The following PTPRA variants were observed in gnomAD, a reference collection of about 807,000 sequenced individuals.
The protein encoded by PTPRA is protein tyrosine phosphatase receptor type A, also known as receptor-type tyrosine-protein phosphatase alpha.
A neutral mutation model predicts 104.8 loss-of-function variants in PTPRA; 25 were observed. The observed-to-expected ratio is 0.24, with a 90% confidence interval of 0.17 to 0.33. The LOEUF is 0.33. Among genes scored for constraint, PTPRA ranks in the 10% least tolerant of loss-of-function variants. The pLI, the probability that PTPRA is intolerant of heterozygous loss-of-function variation, is 1.00. For synonymous variants in PTPRA, 323 were observed against 368.9 expected (o/e 0.88, Z 1.43); for missense variants, 765 against 1,015.3 (o/e 0.75, Z 3.35).
chr20:2,971,403 C>T (rs1270399673), intron 5 of PTPRA, among the ~76,000 whole-genome samples: 1 of 152,018 alleles, frequency 6.6e-6, no homozygotes, highest in African/African-American at 2.4e-5. Context: ...GATATGAAGG[C>T]TACTGATTTT....
Position 2,881,600 on chromosome 20 carries a change from TG to T in PTPRA, c.-129+7841del, listed in dbSNP as rs904349761. Among the ~76,000 whole-genome samples, 4 of 152,276 alleles carry T rather than the reference TG, an allele frequency of 2.6e-5. No individual in the cohort carries two copies. In the East Asian group the frequency reaches 7.7e-4, roughly 29 times the overall value. On this transcript the variant is annotated intron_variant, in intron 1 of 23. Transcript: ENST00000399903. ...GCACAATGATAGCTCACTGCAGCAT[TG>T]AACTCCTGGGCTCAAGCGATCTTCC...
intron 13 of PTPRA, among the ~76,000 whole-genome samples, chr20:3,020,067 AGAGAGGGAGAGGGAGACCGTGGG>A (rs1421781405): frequency 2.6e-4 from 39 of 152,082 alleles, no homozygotes; most frequent in African/African-American, 8.4e-4. Context: ...GACCGTGGAA[AGAGAGGGAGAGGGAGACCGTGGG>A]GAGAGGGAGA....
intron 20 of PTPRA, among the ~76,000 whole-genome samples, chr20:3,030,759 C>T (rs1375254563): frequency 7.4e-6 from 1 of 134,934 alleles, no homozygotes; most frequent in African/African-American, 2.8e-5. Context: ...AATCTCAGCT[C>T]GCTGCAACCT....
At chr20:2,956,178 C>T (rs926704344) in intron 3 of PTPRA, among the ~76,000 whole-genome samples, 1 of 152,172 alleles carries the variant, frequency 6.6e-6, no homozygotes, top group East Asian at 1.9e-4. Context: ...CAGTCAGTGA[C>T]CCTCCTTACT....
intron 2 of PTPRA, among the ~76,000 whole-genome samples, chr20:2,928,830 CTTT>C (rs762180655): frequency 5.9e-5 from 8 of 135,398 alleles, no homozygotes; most frequent in Admixed American, 7.6e-5. Flanking sequence ...TTTTTTCTCT[CTTT>C]TTTTTTTTTT....
intron 1 of PTPRA, among the ~76,000 whole-genome samples, chr20:2,882,600 G>A (rs1196590523): frequency 6.6e-6 from 1 of 151,978 alleles, no homozygotes; most frequent in East Asian, 1.9e-4. Flanking sequence ...ACTGTGCCAG[G>A]CCTAGATTAC....
intron 5 of PTPRA, among the ~76,000 whole-genome samples, chr20:2,970,496 AT>A (rs1248100080): frequency 1.3e-5 from 2 of 152,014 alleles, no homozygotes; most frequent in South Asian, 2.1e-4. Flanking sequence ...AAGATCATTT[AT>A]TTTTCTGAGC....
chr20:2,919,916 C>T (rs772218264), intron 1 of PTPRA, among the ~76,000 whole-genome samples: 7 of 152,036 alleles, frequency 4.6e-5, no homozygotes, highest in Admixed American at 3.9e-4. Flanking sequence ...TATTTTGTAA[C>T]GTGGAAATTA....
At chr20:2,913,045 T>A (rs965468539) in intron 1 of PTPRA, among the ~76,000 whole-genome samples, 1 of 151,776 alleles carries the variant, frequency 6.6e-6, no homozygotes, top group Non-Finnish European at 1.5e-5. Context: ...CATTAGAGAG[T>A]GAGCCCCATC....
At chr20:2,885,665 G>T (rs1470233872) in intron 1 of PTPRA, among the ~76,000 whole-genome samples, 1 of 115,552 alleles carries the variant, frequency 8.7e-6, no homozygotes, top group Non-Finnish European at 1.9e-5. Flanking sequence ...CTGGTTTATA[G>T]GATATAATTG....
intron 1 of PTPRA, among the ~76,000 whole-genome samples, chr20:2,911,656 T>C (rs1018958552): frequency 1.3e-5 from 2 of 152,178 alleles, no homozygotes; most frequent in Non-Finnish European, 2.9e-5. Context: ...AATAAATTTG[T>C]AGCACCAATT....
intron 1 of PTPRA, among the ~76,000 whole-genome samples, chr20:2,917,132 T>A (rs2059932036): frequency 6.6e-6 from 1 of 151,906 alleles, no homozygotes; most frequent in Non-Finnish European, 1.5e-5. Context: ...AAATTTTGTA[T>A]TTTTAGTAGA....
rs1397332486 is a variant in PTPRA, at chr20:3,037,770, G to A, written c.2335-289G>A. 6.6e-6 allele frequency among the ~76,000 whole-genome samples: 1 copy of A among 152,168 alleles called. No homozygotes were observed. The highest frequency in any genetic ancestry group is 1.9e-4 in the East Asian group (1 of 5,204). Reference sequence around the variant, plus strand: ...TGCTAGCCTGGCAGCCATGGTAAGCGTGGGCCATGCTCAGCTGCACTGTCT... The same window carrying A: ...TGCTAGCCTGGCAGCCATGGTAAGCATGGGCCATGCTCAGCTGCACTGTCT... On this transcript the variant is annotated intron_variant, in intron 23 of 23. Transcript: ENST00000399903. This position sits in a 1 kb window ranked among gnomAD's most constrained non-coding sequence, Gnocchi z 4.3.
chr20:2,912,115 C>T (rs1007523238), intron 1 of PTPRA, among the ~76,000 whole-genome samples: 6 of 151,850 alleles, frequency 4.0e-5, no homozygotes, highest in Middle Eastern at 3.4e-3. Context: ...GGTGTAGAGG[C>T]ACATGTCTGT....
At chr20:3,013,957 C>T (rs1004223513) in intron 11 of PTPRA, among the ~76,000 whole-genome samples, 33 of 152,160 alleles carry the variant, frequency 2.2e-4, no homozygotes, top group African/African-American at 7.5e-4. Context: ...ATGACGCACT[C>T]CTGGTAAGAT....
intron 17 of PTPRA, 118 bp downstream of exon 17, chr20:3,024,739 T>A: frequency 8.1e-7 from 1 of 1,241,610 alleles, no homozygotes; most frequent in Non-Finnish European, 1.1e-6. Context: ...TGCCAGTGGT[T>A]AAGGAGATGG....
Position 2,965,894 on chromosome 20 carries a change from C to T in PTPRA, c.415+692C>T, listed in dbSNP as rs192294112. ...TCTGACCTCTTTGAACCTTAGGTAC[C>T]TTGTCTGTAAAAGAGGATTAGAGAT... On this transcript the variant is annotated intron_variant, in intron 5 of 23. Transcript: ENST00000399903. 3.7e-3 allele frequency among the ~76,000 whole-genome samples: 570 copies of T among 152,248 alleles called. 3 individuals carry two copies. The highest frequency in any genetic ancestry group is 7.0e-3 in the Non-Finnish European group (475 of 68,014).
chr20:2,907,982 T>G (rs908014896), intron 1 of PTPRA, among the ~76,000 whole-genome samples: 10 of 152,184 alleles, frequency 6.6e-5, no homozygotes, highest in Non-Finnish European at 1.5e-4. Flanking sequence ...AAAGGCTAAT[T>G]AATACTCTTA....
intron 1 of PTPRA, among the ~76,000 whole-genome samples, chr20:2,881,809 T>C (rs1258251851): frequency 6.6e-6 from 1 of 152,194 alleles, no homozygotes; most frequent in Non-Finnish European, 1.5e-5. Context: ...GAAACCAGCC[T>C]GGCCAACATG....
Sources: gnomAD v4.1 joint callset for allele counts (sites outside exome capture counted in the v4.1 genomes callset) on GRCh38, gnomAD v4.1.1 for gene constraint, Gnocchi (gnomAD v3.1) non-coding constraint, MANE v1.5 for transcripts, NCBI Gene and HGNC (gene_info 2026-07-23, HGNC 2026-07-21) for gene names.